Variants in LIPT1 observed in about 807,000 individuals in gnomAD.
The protein encoded by LIPT1 is lipoyltransferase 1.
A neutral mutation model predicts 25.1 loss-of-function variants in LIPT1; 22 were observed. The observed-to-expected ratio is 0.88, with a 90% CI of 0.63 to 1.25. The LOEUF (loss-of-function observed/expected upper bound fraction) is 1.25. Among genes scored for constraint, LIPT1 ranks in the 50% most tolerant of loss-of-function variants. The pLI is 0.00. For synonymous variants in LIPT1, 131 were observed against 150.8 expected (o/e 0.87, Z 0.96); for missense variants, 399 against 432.8 (o/e 0.92, Z 0.69).
At chr2:99,158,985 G>C (rs1028017052) in intron 1 of LIPT1, among the ~76,000 whole-genome samples, 1 of 152,162 alleles carries the variant, frequency 6.6e-6, no homozygotes, top group Admixed American at 6.5e-5. Context: ...CTGGAGTGTA[G>C]TGGCACGATC....
intron 1 of LIPT1, chr2:99,155,367 G>T (rs994193431): frequency 7.5e-6 from 3 of 399,074 alleles, no homozygotes; most frequent in African/African-American, 6.3e-5. Flanking sequence ...ATGAGATTCT[G>T]AGTAAGTTGT....
Position 99,162,066 on chromosome 2 carries a change from A to G in LIPT1, c.109A>G (p.Ile37Val), listed in dbSNP as rs151267116. ...AAAAAATGGGCTCATTTTACAGTCA[A>G]TTTCCAATGATGTCTATCAAAATCT... ...TVKNGLILQS[I>V]SNDVYQNLAV... Residue 37 changes from isoleucine (I) to valine (V), a missense_variant, in exon 2 of 2, where the codon ATT becomes GTT. Ile to Val is a conservative substitution (Grantham distance 29). Transcript: ENST00000651691. 1.2e-4 allele frequency: 196 copies of G among 1,614,140 alleles called. No homozygotes were observed. The African/African-American group carries it at 1.3e-3, about 10-fold the overall frequency.
chr2:99,158,302 G>A (rs1384585889), intron 1 of LIPT1, among the ~76,000 whole-genome samples: 3 of 152,092 alleles, frequency 2.0e-5, no homozygotes, highest in East Asian at 1.9e-4. Flanking sequence ...TCTAGGCGGT[G>A]TCCCTGAAGT....
chr2:99,157,704 G>T (rs753795834), intron 1 of LIPT1, among the ~76,000 whole-genome samples: 2 of 152,118 alleles, frequency 1.3e-5, no homozygotes, highest in Non-Finnish European at 2.9e-5. Context: ...TCTATCCTCA[G>T]CTTCCTTTGG....
At chr2:99,157,012 G>T (rs2093760782) in intron 1 of LIPT1, among the ~76,000 whole-genome samples, 1 of 152,202 alleles carries the variant, frequency 6.6e-6, no homozygotes, top group Non-Finnish European at 1.5e-5. Context: ...AATGGCTTAT[G>T]CATATTAACA....
Position 99,162,493 on chromosome 2 carries a change from C to T in LIPT1, c.536C>T (p.Thr179Ile), listed in dbSNP as rs1026396634. The T allele has an allele frequency of 6.2e-7, 1 of 1,614,126 alleles. No individual in the cohort carries two copies. Among genetic ancestry groups the T allele is most frequent in the Non-Finnish European group, 8.5e-7 (1 of 1,180,014 alleles). The change falls in exon 2 of 2, where the codon ACT (threonine) becomes ATT (isoleucine). Residue 179 changes from threonine to isoleucine, a missense_variant. Coordinates refer to ENST00000651691, the MANE Select transcript of LIPT1 (RefSeq NM_145199.3). ...IGRTTAYHHC[T>I]LLCSTDGTFL... ...CGGACTACTGCCTATCACCATTGCA[C>T]TTTATTATGTAGTACTGATGGGACG...
intron 1 of LIPT1, chr2:99,155,261 G>A (rs1368272064): frequency 8.2e-6 from 3 of 367,276 alleles, no homozygotes; most frequent in African/African-American, 4.2e-5. Flanking sequence ...CCCGAACACA[G>A]GAGGGAGGGT....
intron 1 of LIPT1, 196 bp downstream of exon 1, chr2:99,155,247 T>C (rs1433236266): frequency 1.9e-5 from 7 of 369,970 alleles, no homozygotes; most frequent in Non-Finnish European, 3.8e-5. Flanking sequence ...TAGGAACGGT[T>C]GATCCCGAAC....
At chr2:99,158,557 C>CAATAAAG (rs2093767765) in intron 1 of LIPT1, among the ~76,000 whole-genome samples, 1 of 152,040 alleles carries the variant, frequency 6.6e-6, no homozygotes, top group Non-Finnish European at 1.5e-5. Flanking sequence ...CCATCCTGGG[C>CAATAAAG]AATAAAGTTC....
intron 1 of LIPT1, among the ~76,000 whole-genome samples, chr2:99,158,737 CT>C (rs1462041092): frequency 2.6e-5 from 4 of 152,148 alleles, no homozygotes; most frequent in African/African-American, 9.6e-5. Context: ...GAATTCTTTT[CT>C]TTATCCCTTT....
At chr2:99,159,306 G>A (rs140257811) in intron 1 of LIPT1, among the ~76,000 whole-genome samples, 3 of 152,100 alleles carry the variant, frequency 2.0e-5, no homozygotes, top group Non-Finnish European at 2.9e-5. Context: ...CTCGTGATCC[G>A]CCTGCCTCGG....
intron 1 of LIPT1, chr2:99,161,295 T>C (rs1347119393): frequency 6.9e-5 from 1 of 14,558 alleles, no homozygotes; most frequent in Non-Finnish European, 1.1e-4. Context: ...AAAAAAAATA[T>C]ATATATATAT....
rs78003746 is a variant in LIPT1, at chr2:99,158,468, C to A, written c.-2+3417C>A. 0.054 allele frequency among the ~76,000 whole-genome samples: 7,965 copies of A among 147,580 alleles called. 422 individuals are homozygous for A. Among genetic ancestry groups the A allele is most frequent in the East Asian group, 0.21 (1,035 of 5,028 alleles). On this transcript the variant is annotated intron_variant, in intron 1 of 1. Transcript: ENST00000651691. ...AAAAAAAAATAGCCAGGCGTGGTGG[C>A]ACATGCTGGCTAAAGGGGGAGGATT...
chr2:99,161,980 A>G lies in LIPT1; in HGVS notation c.23A>G (p.Lys8Arg), dbSNP rs1436613972. 2 of 1,602,148 alleles carry G rather than the reference A, an allele frequency of 1.2e-6. No individual in the cohort carries two copies. Among genetic ancestry groups the G allele is most frequent in the Non-Finnish European group, 1.7e-6 (2 of 1,173,004 alleles). MLIPFSM[K>R]NCFQLLCNCQ... is the part of the protein sequence containing the mutation. ...AGCATGCTGATCCCATTTTCAATGA[A>G]GAATTGCTTCCAGTTACTTTGTAAC... is the stretch of plus-strand genomic sequence containing the variant. Residue 8 changes from lysine (K) to arginine (R), a missense_variant, in exon 2 of 2, where the codon AAG becomes AGG. Transcript: ENST00000651691.
chr2:99,162,072 AATG>A lies in LIPT1; in HGVS notation c.119_121del (p.Asp40del). The A allele has an allele frequency of 1.9e-6, 3 of 1,614,162 alleles. No homozygotes were observed. The highest frequency in any genetic ancestry group is 2.5e-6 in the Non-Finnish European group (3 of 1,180,026). On this transcript the variant is annotated inframe_deletion, in exon 2 of 2. Transcript: ENST00000651691. ...TGGGCTCATTTTACAGTCAATTTCC[AATG>A]ATGTCTATCAAAATCTGGCTGTGGA...
chr2:99,160,843 C>T (rs1013715989), intron 1 of LIPT1, among the ~76,000 whole-genome samples: 1 of 152,086 alleles, frequency 6.6e-6, no homozygotes, highest in Non-Finnish European at 1.5e-5. Context: ...TGAAAGCTTT[C>T]CACGGAAATG....
chr2:99,163,101 C>T lies in LIPT1; in HGVS notation c.*22C>T, dbSNP rs1256475982. On this transcript the variant is annotated 3_prime_UTR_variant, in exon 2 of 2. Transcript: ENST00000651691. ...GTGATTCCAAGTAAATGTCTTAATA[C>T]AGTTTCAATTAGAAAATAAAATGTC... 2 of 1,433,914 alleles carry T rather than the reference C, an allele frequency of 1.4e-6. No homozygotes were observed. Among genetic ancestry groups the T allele is most frequent in the South Asian group, 1.5e-5 (1 of 64,764 alleles). The allele number at this position is 1,433,914 out of a possible 1,614,324, so 88.8% of individuals were successfully genotyped here. A position where few individuals can be genotyped will look rare whatever the true frequency, so the allele number is the denominator to read the frequency against.
intron 1 of LIPT1, among the ~76,000 whole-genome samples, chr2:99,157,720 C>T (rs1287384951): frequency 1.3e-5 from 2 of 152,224 alleles, no homozygotes; most frequent in African/African-American, 2.4e-5. Flanking sequence ...TTTGGGAGCT[C>T]TCCCTCCTTC....
At position 99,162,238 on chromosome 2, in the gene LIPT1, T is replaced by C. The variant is rs754749935; in HGVS notation, c.281T>C (p.Ile94Thr). ...CNLNLMREEG[I>T]KLARRRSGGG... Reference sequence around the variant, plus strand: ...CTGAATCTAATGAGAGAAGAAGGTATAAAACTGGCTCGGAGAAGAAGTGGA... The same window carrying C: ...CTGAATCTAATGAGAGAAGAAGGTACAAAACTGGCTCGGAGAAGAAGTGGA... The change falls in exon 2 of 2, where the codon ATA becomes ACA. Residue 94 changes from isoleucine to threonine, a missense_variant. Coordinates refer to ENST00000651691, the MANE Select transcript of LIPT1 (RefSeq NM_145199.3). 8.1e-6 allele frequency: 13 copies of C among 1,613,784 alleles called. No individual in the cohort carries two copies. In the East Asian group the frequency reaches 2.9e-4, roughly 36 times the overall value.
Sources: gnomAD v4.1 joint callset for allele counts (sites outside exome capture counted in the v4.1 genomes callset) on GRCh38, gnomAD v4.1.1 for gene constraint, MANE v1.5 for transcripts, NCBI Gene and HGNC (gene_info 2026-07-23, HGNC 2026-07-21) for gene names.